Variants in TNFSF13B observed in about 807,000 individuals in gnomAD.
The protein encoded by TNFSF13B is tumor necrosis factor ligand superfamily member 13B.
In TNFSF13B, 8 loss-of-function variants were observed where a neutral mutation model predicts 29.1. That is an observed-to-expected ratio of 0.27 (90% CI 0.16 to 0.50). The LOEUF (loss-of-function observed/expected upper bound fraction) is 0.50. TNFSF13B is among the 20% of genes least tolerant of loss of function. TNFSF13B has a pLI of 0.98. For synonymous variants in TNFSF13B, 125 were observed against 130.8 expected (o/e 0.96, Z 0.30); for missense variants, 248 against 334.9 (o/e 0.74, Z 2.03).
At chr13:108,270,741 C>T (rs1321431841) in intron 2 of TNFSF13B, among the ~76,000 whole-genome samples, 1 of 152,038 alleles carries the variant, frequency 6.6e-6, no homozygotes, top group African/African-American at 2.4e-5. Flanking sequence ...ATAATGCCCT[C>T]CCATGTGAGA....
intron 2 of TNFSF13B, among the ~76,000 whole-genome samples, chr13:108,284,333 A>T (rs182530845): frequency 6.5e-5 from 8 of 122,916 alleles, no homozygotes; most frequent in Admixed American, 2.0e-4. Context: ...CGTCTCAAAA[A>T]ATAAATAAAT....
intron 2 of TNFSF13B, among the ~76,000 whole-genome samples, chr13:108,277,203 AT>A (rs1363873661): frequency 1.3e-5 from 2 of 152,184 alleles, no homozygotes; most frequent in African/African-American, 4.8e-5. Context: ...TTCATTTTAG[AT>A]GAGAAAGCTG....
rs1191683935 is a variant in TNFSF13B at position 108,306,970 on chromosome 13, T to A, written c.*32T>A. ...TACACCATGTCTGTAGCTATTTTCC[T>A]CCCTTTCTCTGTACCTCTAAGAAGA... On this transcript the variant is annotated 3_prime_UTR_variant, in exon 6 of 6. Transcript: ENST00000375887. 4 of 923,166 alleles carry A rather than the reference T, an allele frequency of 4.3e-6. No homozygotes were observed. The South Asian group carries it at 5.7e-5, about 13-fold the overall frequency. The allele number at this position is 923,166 out of a possible 1,614,324, so 57.2% of individuals were successfully genotyped here.
intron 3 of TNFSF13B, 91 bp from the exon 4 acceptor site, chr13:108,303,162 T>G: frequency 1.2e-6 from 1 of 843,970 alleles, no homozygotes; most frequent in Non-Finnish European, 1.8e-6. Context: ...TGGAATTATC[T>G]TCTAAGTTTC....
chr13:108,280,506 C>T (rs1027081535), intron 2 of TNFSF13B, among the ~76,000 whole-genome samples: 8 of 152,132 alleles, frequency 5.3e-5, no homozygotes, highest in African/African-American at 1.7e-4. Flanking sequence ...GGTTGGTTTA[C>T]ACGTGATATT....
At chr13:108,304,606 G>A (rs1881719520) in intron 5 of TNFSF13B, among the ~76,000 whole-genome samples, 1 of 152,036 alleles carries the variant, frequency 6.6e-6, no homozygotes, top group African/African-American at 2.4e-5. Flanking sequence ...TATTTTCTCT[G>A]TTGATTTTGT....
In TNFSF13B at chr13:108,303,298, G is replaced by A; in HGVS notation, c.527G>A (p.Ser176Asn). 3 of 1,613,302 alleles carry A rather than the reference G, an allele frequency of 1.9e-6. No individual in the cohort carries two copies. Among genetic ancestry groups the A allele is most frequent in the Non-Finnish European group, 2.5e-6 (3 of 1,179,626 alleles). Reference sequence around the variant, plus strand: ...TGGCTTCTCAGCTTTAAAAGGGGAAGTGCCCTAGAAGAAAAAGAGAATAAA... The same window carrying A: ...TGGCTTCTCAGCTTTAAAAGGGGAAATGCCCTAGAAGAAAAAGAGAATAAA... ...VPWLLSFKRG[S>N]ALEEKENKIL... is the part of the protein sequence containing the mutation. The change falls in exon 4 of 6, where the codon AGT becomes AAT. Residue 176 changes from serine to asparagine, a missense_variant. Ser to Asn is a conservative substitution (Grantham distance 46). Coordinates refer to ENST00000375887, the MANE Select transcript of TNFSF13B (RefSeq NM_006573.5).
At chr13:108,284,359 TAAATAAACAAACAAACAAAC>T (rs1419066508) in intron 2 of TNFSF13B, among the ~76,000 whole-genome samples, 12 of 94,140 alleles carry the variant, frequency 1.3e-4, no homozygotes, top group Non-Finnish European at 2.4e-5. Flanking sequence ...AATAAATGAA[TAAATAAACAAACAAACAAAC>T]AAACAAACAA....
chr13:108,303,933 T>C (rs994114935), intron 5 of TNFSF13B, among the ~76,000 whole-genome samples: 1 of 152,194 alleles, frequency 6.6e-6, no homozygotes, highest in South Asian at 2.1e-4. Flanking sequence ...TCTAATGTAT[T>C]TTCTTCAACA....
In TNFSF13B at chr13:108,278,784, G is replaced by A. The variant is rs80184945; in HGVS notation, c.425-8019G>A. Among the ~76,000 whole-genome samples the A allele has an allele frequency of 3.1e-3, 398 of 126,706 alleles. 6 individuals are homozygous for A. Among genetic ancestry groups the A allele is most frequent in the South Asian group, 5.6e-3 (21 of 3,762 alleles). 83.1% of individuals were successfully genotyped at this position (126,706 alleles called of 152,430 possible). On this transcript the variant is annotated intron_variant, in intron 2 of 5. Coordinates refer to ENST00000375887, the MANE Select transcript of TNFSF13B (RefSeq NM_006573.5). ...GGGTAAGAGAAAAGGGAATAACTGC[G>A]CTGTGACAGCTCCTGACAGCAGCTA...
rs1337378046 is a variant in TNFSF13B at position 108,297,907 on chromosome 13, A to C, written c.482-5346A>C. On this transcript the variant is annotated intron_variant, in intron 3 of 5. Transcript: ENST00000375887. Reference sequence around the variant, plus strand: ...CACAAATGCATAATGGCATGTATCCACCATTGTAGTATTAGAGTATTTTCA... The same window carrying C: ...CACAAATGCATAATGGCATGTATCCCCCATTGTAGTATTAGAGTATTTTCA... Among the ~76,000 whole-genome samples, 5 of 145,994 alleles carry C rather than the reference A, an allele frequency of 3.4e-5. 1 individual carries two copies.
At chr13:108,303,121 T>C (rs904768434) in intron 3 of TNFSF13B, 132 bp from the exon 4 acceptor site, 53 of 731,604 alleles carry the variant, frequency 7.2e-5, no homozygotes, top group Admixed American at 2.3e-4. Context: ...TTTTCCTTTT[T>C]TTTCTTTCTT....
Position 108,270,119 on chromosome 13 carries a change from A to G in TNFSF13B, c.224A>G (p.Asp75Gly). The G allele has an allele frequency of 6.2e-7, 1 of 1,602,560 alleles. No individual in the cohort carries two copies. Among genetic ancestry groups the G allele is most frequent in the Non-Finnish European group, 8.5e-7 (1 of 1,179,888 alleles). ...SFYQVAALQG[D>G]LASLRAELQG... is the part of the protein sequence containing the mutation. The stretch of plus-strand genomic sequence containing the variant: ...TACCAGGTGGCCGCCCTGCAAGGGG[A>G]CCTGGCCAGCCTCCGGGCAGAGCTG... The change falls in exon 1 of 6, where the codon GAC becomes GGC. Residue 75 changes from aspartate to glycine, a missense_variant. Asp to Gly is a moderately conservative substitution (Grantham distance 94). Transcript: ENST00000375887.
At chr13:108,303,649 CTT>C in intron 5 of TNFSF13B, 45 bp downstream of exon 5, 3 of 1,557,824 alleles carry the variant, frequency 1.9e-6, no homozygotes, top group Non-Finnish European at 2.6e-6. Flanking sequence ...AATGAAGAGA[CTT>C]TGACGAAAAA....
chr13:108,293,095 G>T (rs1470350140), intron 3 of TNFSF13B, among the ~76,000 whole-genome samples: 1 of 151,826 alleles, frequency 6.6e-6, no homozygotes, highest in Non-Finnish European at 1.5e-5. Flanking sequence ...ATTCATTTTT[G>T]TATATGGTGT....
rs190351212 is a variant in TNFSF13B, at chr13:108,283,570, G to C, written c.425-3233G>C. Among the ~76,000 whole-genome samples the C allele has an allele frequency of 3.9e-5, 6 of 152,314 alleles. No individual in the cohort carries two copies. In the East Asian group the frequency reaches 1.2e-3, roughly 29 times the overall value. ...AGACTAAAAAGGAGACATATTCATG[G>C]TGTCAAGTCATTACTTATTAGGTAA... is the stretch of plus-strand genomic sequence containing the variant. On this transcript the variant is annotated intron_variant, in intron 2 of 5. Coordinates refer to ENST00000375887, the MANE Select transcript of TNFSF13B (RefSeq NM_006573.5).
chr13:108,282,862 A>G (rs1447981052), intron 2 of TNFSF13B, among the ~76,000 whole-genome samples: 2 of 152,182 alleles, frequency 1.3e-5, no homozygotes, highest in Non-Finnish European at 2.9e-5. Flanking sequence ...AATAACAAAC[A>G]TAAAAAAAAC....
chr13:108,270,468 A>G, intron 2 of TNFSF13B, 44 bp downstream of exon 2: 1 of 1,566,164 alleles, frequency 6.4e-7, no homozygotes, highest in Non-Finnish European at 8.8e-7. Flanking sequence ...GGGATTAGAG[A>G]ATAACATCCA....
intron 3 of TNFSF13B, among the ~76,000 whole-genome samples, chr13:108,300,129 A>G (rs142710052): frequency 6.6e-6 from 1 of 152,202 alleles, no homozygotes; most frequent in African/African-American, 2.4e-5. Flanking sequence ...AAGAGAATAT[A>G]CTACCTCTAT....
Sources: gnomAD v4.1 joint callset for allele counts (sites outside exome capture counted in the v4.1 genomes callset) on GRCh38, gnomAD v4.1.1 for gene constraint, MANE v1.5 for transcripts, NCBI Gene and HGNC (gene_info 2026-07-23, HGNC 2026-07-21) for gene names.